The following GAD2 variants were observed in gnomAD, a reference collection of about 807,000 sequenced individuals.
The protein encoded by GAD2 is 65 kDa glutamic acid decarboxylase.
In GAD2, 22 loss-of-function variants were observed where a neutral mutation model predicts 80.1. That is an observed-to-expected ratio of 0.27 (90% CI 0.20 to 0.39). The LOEUF is 0.39. Ranked by LOEUF, GAD2 falls within the 10% of genes least tolerant of loss-of-function variation. The probability of loss-of-function intolerance (pLI) is 1.00; values close to 1 mark genes in which losing one functional copy is unlikely to be tolerated. For synonymous variants in GAD2, 274 were observed against 256.9 expected, an observed-to-expected ratio of 1.07 and a Z score of -0.64; for missense variants, 624 against 738.4, an observed-to-expected ratio of 0.85 and a Z score of 1.80.
rs76190044 is a variant in GAD2, at chr10:26,257,580, C to T, written c.921-11539C>T. ...AGGACTACAAGAGTCATTGGCTTTC[C>T]TAGCTCCCATGTAACACAAGAAATC... On this transcript the variant is annotated intron_variant, in intron 8 of 15. Transcript: ENST00000376261. Among the ~76,000 whole-genome samples, 101 of 152,232 alleles carry T rather than the reference C, an allele frequency of 6.6e-4. No homozygotes were observed. In the East Asian group the frequency reaches 0.016, roughly 25 times the overall value.
chr10:26,271,916 T>C (rs1845142322), intron 10 of GAD2, among the ~76,000 whole-genome samples: 1 of 152,104 alleles, frequency 6.6e-6, no homozygotes, highest in Non-Finnish European at 1.5e-5. Flanking sequence ...TGCGCACCCA[T>C]GCCCAGCTAA....
At chr10:26,244,405 C>T (rs1844780634) in intron 7 of GAD2, among the ~76,000 whole-genome samples, 1 of 152,130 alleles carries the variant, frequency 6.6e-6, no homozygotes, top group Non-Finnish European at 1.5e-5. Flanking sequence ...CAATTGAAAG[C>T]AGAGTCTTGA....
intron 11 of GAD2, among the ~76,000 whole-genome samples, chr10:26,278,627 AT>A (rs1377339785): frequency 6.6e-6 from 1 of 152,042 alleles, no homozygotes; most frequent in Non-Finnish European, 1.5e-5. Flanking sequence ...GCAAGGAGGT[AT>A]TTTTTTGGAG....
chr10:26,216,483 C>T (rs1844370754), upstream of GAD2: 1 of 210,636 alleles, frequency 4.7e-6, no homozygotes, highest in Non-Finnish European at 9.2e-6. The surrounding 1 kb of genome is among the most constrained non-coding windows in gnomAD (Gnocchi z 4.7). Flanking sequence ...CACTGGGCTC[C>T]CTTTCCCTCA....
intron 7 of GAD2, among the ~76,000 whole-genome samples, chr10:26,241,652 T>C (rs185102867): frequency 2.0e-5 from 3 of 152,264 alleles, no homozygotes; most frequent in Admixed American, 2.0e-4. Flanking sequence ...CCAAGTTTCC[T>C]CTGTCTGTAC....
At chr10:26,297,284 G>T (rs368717471) in intron 15 of GAD2, among the ~76,000 whole-genome samples, 2 of 152,082 alleles carry the variant, frequency 1.3e-5, no homozygotes, top group African/African-American at 2.4e-5. Flanking sequence ...GAAATTTCTC[G>T]CAGTCTTCCA....
At chr10:26,290,299 G>A (rs567569476) in intron 13 of GAD2, among the ~76,000 whole-genome samples, 1 of 152,304 alleles carries the variant, frequency 6.6e-6, no homozygotes, top group East Asian at 1.9e-4. Flanking sequence ...GATTAGGACT[G>A]ATCACAAAAG....
intron 13 of GAD2, among the ~76,000 whole-genome samples, chr10:26,291,427 C>T (rs1429455833): frequency 7.1e-6 from 1 of 140,852 alleles, no homozygotes; most frequent in Non-Finnish European, 1.5e-5. Context: ...GGAGCAGTCT[C>T]CAAAGAAGTG....
intron 4 of GAD2, among the ~76,000 whole-genome samples, chr10:26,220,137 G>A (rs1016633764): frequency 6.6e-6 from 1 of 152,022 alleles, no homozygotes; most frequent in Non-Finnish European, 1.5e-5. Flanking sequence ...CGCTTTTTAC[G>A]TTGTCTCTAA....
Position 26,217,859 on chromosome 10 carries a change from G to C in GAD2, c.154G>C (p.Ala52Pro), listed in dbSNP as rs773798708. The change falls in exon 3 of 16, where the codon GCC (alanine) becomes CCC (proline). Residue 52 changes from alanine (A) to proline (P), a missense_variant. Coordinates refer to ENST00000376261, the MANE Select transcript of GAD2 (RefSeq NM_001134366.2). This position sits in a 1 kb window ranked among gnomAD's most constrained non-coding sequence, Gnocchi z 4.9. ...NKLCALLYGD[A>P]EKPAESGGSQ... ...TTACCCAGCCCTGCTCTACGGAGACGCCGAGAAGCCGGCGGAGAGCGGCGG... is the reference window on the plus strand; with the variant it reads ...TTACCCAGCCCTGCTCTACGGAGACCCCGAGAAGCCGGCGGAGAGCGGCGG... 5 of 1,606,330 alleles carry C rather than the reference G, an allele frequency of 3.1e-6. No individual in the cohort carries two copies. In the South Asian group the frequency reaches 4.4e-5, roughly 14 times the overall value.
intron 12 of GAD2, among the ~76,000 whole-genome samples, chr10:26,284,829 A>G (rs1845313594): frequency 6.6e-6 from 1 of 152,102 alleles, no homozygotes; most frequent in Non-Finnish European, 1.5e-5. Context: ...TCGGCCTCCC[A>G]AAGTGCTGGG....
intron 7 of GAD2, among the ~76,000 whole-genome samples, chr10:26,244,429 C>T (rs1383699486): frequency 6.6e-6 from 1 of 152,258 alleles, no homozygotes; most frequent in East Asian, 1.9e-4. Context: ...GGCAGTTGTA[C>T]CCCCATATGT....
At chr10:26,233,509 T>A (rs1844632440) in intron 7 of GAD2, among the ~76,000 whole-genome samples, 1 of 152,168 alleles carries the variant, frequency 6.6e-6, no homozygotes, top group African/African-American at 2.4e-5. Flanking sequence ...TAAAAGTGAG[T>A]CCTGCCTTTG....
intron 15 of GAD2, among the ~76,000 whole-genome samples, chr10:26,300,034 G>A: frequency 6.6e-6 from 1 of 152,136 alleles, no homozygotes; most frequent in East Asian, 1.9e-4. Flanking sequence ...GGCAAGTGGT[G>A]GAAGATGAGG....
At chr10:26,278,433 A>T (rs575705752) in intron 11 of GAD2, among the ~76,000 whole-genome samples, 1 of 152,212 alleles carries the variant, frequency 6.6e-6, no homozygotes, top group Non-Finnish European at 1.5e-5. Flanking sequence ...ACATATTATT[A>T]TTCTCCTTTT....
rs1834337121 is a variant in GAD2, at chr10:26,302,395, AT to A, written c.*1435del. ...AATAATAAGATCCTTAGAATTCAAA[AT>A]AGTATTTTTAAAACATCCTTCTTTC... On this transcript the variant is annotated 3_prime_UTR_variant, in exon 16 of 16. Transcript: ENST00000376261. 1 of 152,190 alleles carries A rather than the reference AT, an allele frequency of 6.6e-6. No homozygotes were observed. Among genetic ancestry groups the A allele is most frequent in the Admixed American group, 6.5e-5 (1 of 15,272 alleles). 9.4% of individuals were successfully genotyped at this position (152,190 alleles called of 1,614,324 possible).
At chr10:26,262,446 C>T (rs193263664) in intron 8 of GAD2, among the ~76,000 whole-genome samples, 83 of 151,604 alleles carry the variant, frequency 5.5e-4, no homozygotes, top group Non-Finnish European at 7.4e-5. Context: ...TCAAATGTTA[C>T]GTTTTCTCTC....
chr10:26,219,883 A>G (rs1479091764), intron 4 of GAD2, among the ~76,000 whole-genome samples: 2 of 152,156 alleles, frequency 1.3e-5, no homozygotes, highest in African/African-American at 4.8e-5. Flanking sequence ...ATGTTATATA[A>G]GGATGTGTGT....
chr10:26,276,757 G>A (rs1845212472), intron 11 of GAD2, among the ~76,000 whole-genome samples: 1 of 152,172 alleles, frequency 6.6e-6, no homozygotes, highest in Non-Finnish European at 1.5e-5. Flanking sequence ...ATCATCCTCT[G>A]ATGTGTTCCA....
Sources: allele counts gnomAD v4.1 joint callset (sites outside exome capture counted in the v4.1 genomes callset), GRCh38; gene constraint gnomAD v4.1.1; non-coding constraint Gnocchi (gnomAD v3.1); transcripts MANE v1.5; gene names NCBI Gene and HGNC (gene_info 2026-07-23, HGNC 2026-07-21).